SEMA3F: variants seen among roughly 807,000 people sequenced by gnomAD.
SEMA3F encodes the protein semaphorin 3F.
In SEMA3F, 30 loss-of-function variants were observed where a neutral mutation model predicts 98.5. The observed-to-expected ratio is 0.30, with a 90% CI of 0.23 to 0.41. SEMA3F has a LOEUF of 0.41. Among genes scored for constraint, SEMA3F ranks in the 10% least tolerant of loss-of-function variants. The pLI is 1.00. For missense variants in SEMA3F, 866 were observed against 1,119.3 expected, an observed-to-expected ratio of 0.77 and a Z score of 3.23; for synonymous variants, 380 against 444.8, an observed-to-expected ratio of 0.85 and a Z score of 1.83.
Position 50,158,861 on chromosome 3 carries a change from GC to G in SEMA3F, c.-48-710del, listed in dbSNP as rs1698096342. Among the ~76,000 whole-genome samples the G allele has an allele frequency of 6.6e-6, 1 of 152,218 alleles. No homozygotes were observed. The highest frequency in any genetic ancestry group is 1.5e-5 in the Non-Finnish European group (1 of 68,024). On this transcript the variant is annotated intron_variant, in intron 1 of 18. Coordinates refer to ENST00000002829, the MANE Select transcript of SEMA3F (RefSeq NM_004186.5). This position sits in a 1 kb window ranked among gnomAD's most constrained non-coding sequence, Gnocchi z 4.8. ...TGGCAATGCCGCTGGCCCAGATCCA[GC>G]CCCAGGCCCACTGGCCATCCTAGCT...
chr3:50,158,280 G>C lies in SEMA3F; in HGVS notation c.-48-1295G>C, dbSNP rs865824038. On this transcript the variant is annotated intron_variant, in intron 1 of 18. Transcript: ENST00000002829. This position sits in a 1 kb window ranked among gnomAD's most constrained non-coding sequence, Gnocchi z 4.8. The stretch of plus-strand genomic sequence containing the variant: ...CAGGGGATCTGGAAGGACCATGAGC[G>C]GTGTGCCAGGCCCTCGGGAGAGAAC... Among the ~76,000 whole-genome samples, 4 of 152,246 alleles carry C rather than the reference G, an allele frequency of 2.6e-5. No individual in the cohort carries two copies. The highest frequency in any genetic ancestry group is 5.9e-5 in the Non-Finnish European group (4 of 68,034).
At chr3:50,175,318 C>T in intron 6 of SEMA3F, 130 bp downstream of exon 6, 3 of 670,602 alleles carry the variant, frequency 4.5e-6, no homozygotes, top group East Asian at 5.5e-5. Flanking sequence ...TGTCCCCACC[C>T]CTTCCCCTGA....
chr3:50,172,437 A>G (rs1250112095), intron 2 of SEMA3F, among the ~76,000 whole-genome samples: 1 of 151,972 alleles, frequency 6.6e-6, no homozygotes, highest in African/African-American at 2.4e-5. Flanking sequence ...CCAAGCTTCT[A>G]GGAGTCCTTT....
chr3:50,187,818 C>T lies in SEMA3F; in HGVS notation c.2061C>T (p.His687=), dbSNP rs370754057. 1.5e-5 allele frequency: 25 copies of T among 1,613,420 alleles called. No homozygotes were observed. The highest frequency in any genetic ancestry group is 1.0e-4 in the Admixed American group (6 of 60,006). ...CAGCCACTGAGAACAACTTTAAGCA[C>T]GTCGTCACACGAGTGCAGCTGCATG... The part of the protein sequence containing the change: ...SCTATENNFK[H]VVTRVQLHVL... Residue 687 remains histidine (H), a synonymous_variant, in exon 19 of 19, where the codon CAC becomes CAT. Transcript: ENST00000002829.
intron 2 of SEMA3F, among the ~76,000 whole-genome samples, chr3:50,161,030 C>T (rs1403551990): frequency 1.3e-5 from 2 of 152,164 alleles, no homozygotes; most frequent in Non-Finnish European, 2.9e-5. Context: ...CTGATACCTC[C>T]ACCCTTCCCT....
In SEMA3F at chr3:50,185,924, A is replaced by G; in HGVS notation, c.1623A>G (p.Thr541=). ...ACGTGGCGTCAGCCGTGGGTGTCAC[A>G]CACCTGAGCCTGCACCGCTGCCAGG... ...QLYVASAVGV[T]HLSLHRCQAY... The change falls in exon 16 of 19, where the codon ACA becomes ACG. Residue 541 remains threonine, a synonymous_variant. Transcript: ENST00000002829. The G allele has an allele frequency of 6.2e-7, 1 of 1,613,698 alleles. No homozygotes were observed. The highest frequency in any genetic ancestry group is 1.3e-5 in the African/African-American group (1 of 75,046).
intron 2 of SEMA3F, among the ~76,000 whole-genome samples, chr3:50,172,450 C>G (rs747118460): frequency 1.2e-4 from 19 of 152,230 alleles, no homozygotes; most frequent in African/African-American, 3.4e-4. Flanking sequence ...AGTCCTTTGT[C>G]TGTCATTGTC....
chr3:50,185,060 G>A (rs1335884174), intron 13 of SEMA3F, among the ~76,000 whole-genome samples: 2 of 152,276 alleles, frequency 1.3e-5, no homozygotes, highest in Middle Eastern at 3.4e-3. Context: ...GGGGACTTAT[G>A]TATGTATGGC....
rs1454287536 is a variant in SEMA3F at position 50,188,038 on chromosome 3, C to T, written c.2281C>T (p.Pro761Ser). ...TGTGCCCCCCAGCCCCAGGGAGGCT[C>T]CAGGGGCACCCCGGTCTCCTGAGCC... is the stretch of plus-strand genomic sequence containing the variant. Reference protein sequence around the residue: ...RHVPPSPREAPGAPRSPEPQD... With the variant: ...RHVPPSPREASGAPRSPEPQD... The change falls in exon 19 of 19, where the codon CCA becomes TCA. Residue 761 changes from proline to serine, a missense_variant. Physicochemically the swap from Pro to Ser is moderately conservative, Grantham distance 74 (BLOSUM62 -1). Transcript: ENST00000002829. The surrounding 1 kb of genome is among the most constrained non-coding windows in gnomAD (Gnocchi z 4.5). 1.3e-6 allele frequency: 2 copies of T among 1,593,814 alleles called. No homozygotes were observed. Among genetic ancestry groups the T allele is most frequent in the African/African-American group, 1.3e-5 (1 of 74,186 alleles).
chr3:50,169,537 G>C (rs1017655011), intron 2 of SEMA3F, among the ~76,000 whole-genome samples: 7 of 152,194 alleles, frequency 4.6e-5, no homozygotes, highest in African/African-American at 1.7e-4. Context: ...GTGAGAGTAT[G>C]GGGGTGGGGA....
chr3:50,176,951 G>C, intron 7 of SEMA3F, 90 bp downstream of exon 7: 1 of 1,088,336 alleles, frequency 9.2e-7, no homozygotes, highest in Non-Finnish European at 1.4e-6. Flanking sequence ...CCCAAGGGCA[G>C]AGACCATGAC....
At chr3:50,185,617 GC>G (rs1559739126) in intron 14 of SEMA3F, 48 bp from the exon 15 acceptor site, 1 of 1,612,812 alleles carries the variant, frequency 6.2e-7, no homozygotes, top group South Asian at 1.1e-5. Flanking sequence ...CTAGGTCAGG[GC>G]AGGGAGGGGG....
In SEMA3F at chr3:50,182,756, G is replaced by C; in HGVS notation, c.876G>C (p.Val292=). Residue 292 remains valine, a synonymous_variant, in exon 9 of 19, where the codon GTG becomes GTC. Transcript: ENST00000002829. The surrounding 1 kb of genome is among the most constrained non-coding windows in gnomAD (Gnocchi z 4.5). The part of the protein sequence containing the change: ...RSAEAPQSPA[V]YARIGRICLN... ...CAGAGGCGCCGCAGAGCCCCGCGGT[G>C]TACGCCCGCATCGGGCGCATTTGCC... 6.2e-7 allele frequency: 1 copy of C among 1,613,158 alleles called. No individual in the cohort carries two copies. Among genetic ancestry groups the C allele is most frequent in the Non-Finnish European group, 8.5e-7 (1 of 1,179,998 alleles).
At position 50,186,547 on chromosome 3, in the gene SEMA3F, C is replaced by T. The variant is rs951783190; in HGVS notation, c.1814-66C>T. On this transcript the variant is annotated intron_variant, in intron 17 of 18. Coordinates refer to ENST00000002829, the MANE Select transcript of SEMA3F (RefSeq NM_004186.5). ...GTGAGTGGGTGCCCCTCGGTGCCTG[C>T]CCCGAAGCAGTCAGCAGGCTGCCCG... 11 of 1,551,210 alleles carry T rather than the reference C, an allele frequency of 7.1e-6. No individual in the cohort carries two copies. The Admixed American group carries it at 1.8e-4, about 25-fold the overall frequency.
Position 50,184,558 on chromosome 3 carries a change from C to T in SEMA3F, c.1234-34C>T, listed in dbSNP as rs1699138848. On this transcript the variant is annotated intron_variant, in intron 12 of 18. Coordinates refer to ENST00000002829, the MANE Select transcript of SEMA3F (RefSeq NM_004186.5). ...ATGGCTCCAGCCTGCCCTGCCCAGG[C>T]AGCCTGGGACTGACACTCGCCACCT... is the stretch of plus-strand genomic sequence containing the variant. The T allele has an allele frequency of 3.2e-6, 5 of 1,562,824 alleles. 1 individual carries two copies. In the African/African-American group the frequency reaches 5.4e-5, roughly 17 times the overall value.
chr3:50,185,721 G>A lies in SEMA3F; in HGVS notation c.1587+14G>A, dbSNP rs778862088. 7 of 1,614,126 alleles carry A rather than the reference G, an allele frequency of 4.3e-6. No homozygotes were observed. The highest frequency in any genetic ancestry group is 1.7e-5 in the Admixed American group (1 of 60,028). ...TCTTCTAAGAGGGTAAGCCTTTGGC[G>A]AGGTGAGCCAAGGTTGGGGACAGGG... On this transcript the variant is annotated intron_variant, in intron 15 of 18. Transcript: ENST00000002829.
chr3:50,160,193 C>T (rs1336541613), intron 2 of SEMA3F, among the ~76,000 whole-genome samples: 1 of 152,142 alleles, frequency 6.6e-6, no homozygotes, highest in Admixed American at 6.5e-5. Flanking sequence ...AGGACCTGCT[C>T]TCTTGGGGTG....
At chr3:50,167,488 C>T (rs561642644) in intron 2 of SEMA3F, among the ~76,000 whole-genome samples, 3 of 152,170 alleles carry the variant, frequency 2.0e-5, no homozygotes, top group East Asian at 1.9e-4. Flanking sequence ...CTGTCCTGGG[C>T]GGAGTAGGTG....
rs766577529 is a variant in SEMA3F, at chr3:50,187,754, G to T, written c.1997G>T (p.Arg666Leu). The change falls in exon 19 of 19, where the codon CGT becomes CTT. Residue 666 changes from arginine to leucine, a missense_variant. By Grantham distance (102) the Arg-to-Leu change is moderately radical. Transcript: ENST00000002829. ...FLRTEQGLLLRALQLSDRGLY... is the reference protein window; with the variant it reads ...FLRTEQGLLLLALQLSDRGLY... ...CGCACAGAGCAGGGCTTGTTGCTCC[G>T]TGCACTGCAGCTCAGCGATCGTGGC... 1.2e-6 allele frequency: 2 copies of T among 1,612,854 alleles called. No individual in the cohort carries two copies. Among genetic ancestry groups the T allele is most frequent in the Admixed American group, 1.7e-5 (1 of 60,008 alleles).
Sources: gnomAD v4.1 joint callset for allele counts (sites outside exome capture counted in the v4.1 genomes callset) on GRCh38, gnomAD v4.1.1 for gene constraint, Gnocchi (gnomAD v3.1) non-coding constraint, MANE v1.5 for transcripts, NCBI Gene and HGNC (gene_info 2026-07-23, HGNC 2026-07-21) for gene names.